TEX2: variants seen among roughly 807,000 people sequenced by gnomAD.
TEX2 encodes the protein testis-expressed protein 2.
In TEX2, 53 loss-of-function variants were observed where a neutral mutation model predicts 106.9. The ratio of observed to expected loss-of-function variants is 0.50; its 90% CI spans 0.40 to 0.62. The LOEUF is 0.62. TEX2 is among the 20% of genes least tolerant of loss of function. TEX2 has a pLI of 0.00. For missense variants in TEX2, 1,207 were observed against 1,379.0 expected (o/e 0.88, Z 1.98); for synonymous variants, 523 against 534.8 (o/e 0.98, Z 0.30).
Position 64,149,040 on chromosome 17 carries a change from A to C in TEX2, c.3313T>G (p.Ser1105Ala), listed in dbSNP as rs543369300. The change falls in exon 12 of 12, where the codon TCA becomes GCA. Residue 1105 changes from serine to alanine, a missense_variant. Physicochemically the swap from Ser to Ala is moderately conservative, Grantham distance 99 (BLOSUM62 1). Transcript: ENST00000584379. ...GAAGTAGAGCGAGGGTCCATGGCTG[A>C]GTGCATTATAGTGATATAAACATCA... The part of the protein sequence containing the change: ...MDDVYITIMH[S>A]AMDPRSTSCL... The C allele has an allele frequency of 1.0e-4, 162 of 1,614,212 alleles. 2 individuals are homozygous for C. The South Asian group carries it at 1.7e-3, about 17-fold the overall frequency.
chr17:64,166,884 G>A (rs1019895100), intron 7 of TEX2, among the ~76,000 whole-genome samples: 3 of 152,204 alleles, frequency 2.0e-5, no homozygotes, highest in African/African-American at 7.2e-5. Context: ...CTGGGTAGAG[G>A]AGGCCAGTCT....
At position 64,185,478 on chromosome 17, in the gene TEX2, G is replaced by A. The variant is rs1433816131; in HGVS notation, c.2424+2690C>T. Among the ~76,000 whole-genome samples the A allele has an allele frequency of 6.6e-6, 1 of 152,088 alleles. No individual in the cohort carries two copies. The highest frequency in any genetic ancestry group is 1.5e-5 in the Non-Finnish European group (1 of 68,036). ...TTAAAAAAGAGTTCCCTTGTTTCCTGAATTAAATCCCCTTCCAAACCAGGC... is the reference window on the plus strand; with the variant it reads ...TTAAAAAAGAGTTCCCTTGTTTCCTAAATTAAATCCCCTTCCAAACCAGGC... On this transcript the variant is annotated intron_variant, in intron 5 of 11. Coordinates refer to ENST00000584379, the MANE Select transcript of TEX2 (RefSeq NM_001288732.2). The surrounding 1 kb of genome is among the most constrained non-coding windows in gnomAD (Gnocchi z 4.0).
intron 7 of TEX2, among the ~76,000 whole-genome samples, chr17:64,162,934 G>A (rs761284123): frequency 1.3e-5 from 2 of 152,144 alleles, no homozygotes; most frequent in Non-Finnish European, 2.9e-5. Flanking sequence ...CCTTGCTGCT[G>A]TTGCCAGGGA....
intron 1 of TEX2, among the ~76,000 whole-genome samples, chr17:64,235,090 C>T (rs1053159451): frequency 2.0e-5 from 3 of 152,196 alleles, no homozygotes; most frequent in Admixed American, 2.0e-4. Context: ...ACAAGAACAA[C>T]AATCAACGTT....
chr17:64,250,394 C>T (rs1555636790), intron 1 of TEX2, among the ~76,000 whole-genome samples: 1 of 152,236 alleles, frequency 6.6e-6, no homozygotes, highest in Non-Finnish European at 1.5e-5. Context: ...TACTTCCCAG[C>T]CCCAGTCACA....
chr17:64,218,007 T>A (rs1161142665), intron 1 of TEX2, among the ~76,000 whole-genome samples: 2 of 151,596 alleles, frequency 1.3e-5, no homozygotes, highest in Non-Finnish European at 2.9e-5. Flanking sequence ...AGGTCTGGAG[T>A]CTGGTTGTCT....
intron 1 of TEX2, among the ~76,000 whole-genome samples, chr17:64,236,090 G>A (rs2033760183): frequency 6.6e-6 from 1 of 151,516 alleles, no homozygotes; most frequent in Admixed American, 6.6e-5. Context: ...ATAGCTTAAG[G>A]TACAGCCGGC....
chr17:64,261,155 G>T (rs2034281322), intron 1 of TEX2, among the ~76,000 whole-genome samples: 1 of 152,094 alleles, frequency 6.6e-6, no homozygotes. Context: ...CCAGAAAACA[G>T]AAGCATTTGA....
intron 1 of TEX2, among the ~76,000 whole-genome samples, chr17:64,226,647 C>T (rs1032006677): frequency 4.6e-5 from 7 of 152,114 alleles, no homozygotes; most frequent in Non-Finnish European, 1.0e-4. Context: ...ATAAAAAACT[C>T]AACCTTACTA....
At chr17:64,154,366 C>G (rs2030509523) in intron 9 of TEX2, among the ~76,000 whole-genome samples, 1 of 152,166 alleles carries the variant, frequency 6.6e-6, no homozygotes, top group South Asian at 2.1e-4. Context: ...AAGAGTAACC[C>G]CCTCCAAATG....
chr17:64,170,338 A>T (rs983141962), intron 7 of TEX2, among the ~76,000 whole-genome samples: 1 of 152,240 alleles, frequency 6.6e-6, no homozygotes, highest in Non-Finnish European at 1.5e-5. Flanking sequence ...CATGAAAGTC[A>T]AAAAATCTGG....
intron 1 of TEX2, among the ~76,000 whole-genome samples, chr17:64,225,628 G>C (rs574206221): frequency 6.6e-6 from 1 of 152,330 alleles, no homozygotes; most frequent in Non-Finnish European, 1.5e-5. Context: ...AGCCAAGAGA[G>C]TATGGTGCCG....
chr17:64,262,934 G>A (rs2034322804), intron 1 of TEX2, among the ~76,000 whole-genome samples: 1 of 152,134 alleles, frequency 6.6e-6, no homozygotes, highest in Non-Finnish European at 1.5e-5. Flanking sequence ...CCGGAGTCGA[G>A]CCCGAGCCAT....
At chr17:64,151,750 C>A (rs1236990457) in intron 10 of TEX2, among the ~76,000 whole-genome samples, 1 of 152,112 alleles carries the variant, frequency 6.6e-6, no homozygotes, top group Non-Finnish European at 1.5e-5. Context: ...TATTTTATCT[C>A]CCCCTGAGCA....
intron 2 of TEX2, among the ~76,000 whole-genome samples, chr17:64,206,939 G>C (rs1431356410): frequency 6.6e-6 from 1 of 152,156 alleles, no homozygotes; most frequent in Admixed American, 6.5e-5. Context: ...GAGTACCATA[G>C]GGCCTAGACA....
chr17:64,211,976 G>A (rs148823693), intron 2 of TEX2, among the ~76,000 whole-genome samples: 76 of 152,354 alleles, frequency 5.0e-4, no homozygotes, highest in African/African-American at 1.7e-3. Context: ...GTGAGACTCC[G>A]TCTCAATCGA....
chr17:64,230,737 G>C (rs1030112359), intron 1 of TEX2: 2 of 152,140 alleles, frequency 1.3e-5, no homozygotes. Context: ...TGTAAACTGA[G>C]GGAAGCTTCC....
At chr17:64,168,872 G>A (rs574589405) in intron 7 of TEX2, among the ~76,000 whole-genome samples, 1 of 144,518 alleles carries the variant, frequency 6.9e-6, no homozygotes, top group East Asian at 2.1e-4. Flanking sequence ...GAAGATGCTA[G>A]CTAGCTATGC....
intron 2 of TEX2, among the ~76,000 whole-genome samples, chr17:64,208,363 C>T (rs150743148): frequency 7.9e-5 from 12 of 151,072 alleles, no homozygotes; most frequent in South Asian, 6.3e-4. Context: ...CTCAGCCTCT[C>T]GAGTGGCTGG....
Sources: allele counts gnomAD v4.1 joint callset (sites outside exome capture counted in the v4.1 genomes callset), GRCh38; gene constraint gnomAD v4.1.1; non-coding constraint Gnocchi (gnomAD v3.1); transcripts MANE v1.5; gene names NCBI Gene and HGNC (gene_info 2026-07-23, HGNC 2026-07-21).